Variants in TBC1D19 observed in about 807,000 individuals in gnomAD.
TBC1D19 encodes the protein TBC1 domain family member 19.
A neutral mutation model predicts 89.0 loss-of-function variants in TBC1D19; 60 were observed. The observed-to-expected ratio is 0.67, with a 90% confidence interval of 0.55 to 0.84. TBC1D19 has a LOEUF of 0.84. Among genes scored for constraint, TBC1D19 ranks in the 40% least tolerant of loss-of-function variants. The pLI, the probability that TBC1D19 is intolerant of heterozygous loss-of-function variation, is 0.00. For missense variants in TBC1D19, 500 were observed against 610.8 expected (o/e 0.82, Z 1.91); for synonymous variants, 189 against 199.7 (o/e 0.95, Z 0.45).
At chr4:26,658,017 T>G (rs1403485876) in intron 7 of TBC1D19, among the ~76,000 whole-genome samples, 1 of 152,242 alleles carries the variant, frequency 6.6e-6, no homozygotes, top group Non-Finnish European at 1.5e-5. Flanking sequence ...TGCAAAATTT[T>G]TCTCCCATTC....
At chr4:26,612,552 C>G (rs989275218) in intron 1 of TBC1D19, among the ~76,000 whole-genome samples, 1 of 151,920 alleles carries the variant, frequency 6.6e-6, no homozygotes, top group African/African-American at 2.4e-5. Flanking sequence ...GATGGAACAT[C>G]AACACTTTGA....
chr4:26,858,181 A>G, the TBC1D19 span: 1 of 152,220 alleles, frequency 6.6e-6, no homozygotes, highest in Non-Finnish European at 1.5e-5. Context: ...AAAGTGGTGG[A>G]ATTGCTATTT....
intron 3 of TBC1D19, among the ~76,000 whole-genome samples, chr4:26,617,455 C>G (rs1741765491): frequency 6.6e-6 from 1 of 152,240 alleles, no homozygotes. Context: ...ATACATTTTA[C>G]TATGTCTCAC....
intron 1 of TBC1D19, among the ~76,000 whole-genome samples, chr4:26,586,171 C>CTTTT (rs57229787): frequency 1.1e-4 from 6 of 52,240 alleles, no homozygotes; most frequent in South Asian, 7.7e-4. Flanking sequence ...GCAAGGTAAG[C>CTTTT]TTTTTTTTTT....
intron 17 of TBC1D19, chr4:26,740,637 T>C: frequency 1.0e-6 from 1 of 985,290 alleles, no homozygotes; most frequent in South Asian, 4.7e-5. Context: ...TTTTTTTCCC[T>C]TCCCATAAAC....
the TBC1D19 span, among the ~76,000 whole-genome samples, chr4:26,855,560 T>C: frequency 1.8e-4 from 28 of 152,336 alleles, no homozygotes; most frequent in African/African-American, 6.5e-4. Context: ...TTGGGTGTAC[T>C]TATGGCCATT....
At chr4:26,660,324 T>A (rs772318293) in intron 8 of TBC1D19, among the ~76,000 whole-genome samples, 2 of 152,180 alleles carry the variant, frequency 1.3e-5, no homozygotes, top group Non-Finnish European at 2.9e-5. Flanking sequence ...CTTATAACTC[T>A]GGGCATTAAT....
the TBC1D19 span, among the ~76,000 whole-genome samples, chr4:26,800,899 G>A: frequency 1.3e-5 from 2 of 152,118 alleles, no homozygotes; most frequent in African/African-American, 4.8e-5. Context: ...TGTAGATTCT[G>A]GATATTAGCC....
At chr4:26,857,108 T>C in the TBC1D19 span, among the ~76,000 whole-genome samples, 7 of 152,340 alleles carry the variant, frequency 4.6e-5, no homozygotes, top group African/African-American at 1.7e-4. Flanking sequence ...TGCTAATGAG[T>C]TACTTCCACG....
intron 15 of TBC1D19, among the ~76,000 whole-genome samples, chr4:26,732,534 C>T (rs1220559576): frequency 6.6e-6 from 1 of 152,154 alleles, no homozygotes; most frequent in Non-Finnish European, 1.5e-5. Context: ...TGGAATGATG[C>T]ATGTGCAGCA....
At chr4:26,801,507 A>T in the TBC1D19 span, among the ~76,000 whole-genome samples, 1 of 152,128 alleles carries the variant, frequency 6.6e-6, no homozygotes, top group Admixed American at 6.5e-5. Flanking sequence ...TTTTGGTTCC[A>T]TATGAACTTT....
At chr4:26,693,397 A>G (rs986977793) in intron 13 of TBC1D19, among the ~76,000 whole-genome samples, 5 of 152,198 alleles carry the variant, frequency 3.3e-5, no homozygotes, top group African/African-American at 1.2e-4. Flanking sequence ...AGCCATGCTT[A>G]AAAAAGTAAA....
chr4:26,659,802 A>G, intron 8 of TBC1D19, 95 bp downstream of exon 8: 1 of 622,736 alleles, frequency 1.6e-6, no homozygotes, highest in African/African-American at 1.8e-5. Flanking sequence ...AGGGTAATCT[A>G]CTCATTAAAC....
At chr4:26,830,096 A>C in the TBC1D19 span, among the ~76,000 whole-genome samples, 11 of 152,300 alleles carry the variant, frequency 7.2e-5, no homozygotes, top group African/African-American at 2.6e-4. Context: ...TGGCCCATAA[A>C]AGTGTAAGAA....
the TBC1D19 span, among the ~76,000 whole-genome samples, chr4:26,768,791 T>C: frequency 2.6e-5 from 4 of 151,836 alleles, no homozygotes; most frequent in African/African-American, 9.7e-5. Context: ...GATTAAAAAC[T>C]AAAAATAAAA....
In TBC1D19 at chr4:26,656,958, T is replaced by TTTC. The variant is rs56762622; in HGVS notation, c.481-2607_481-2605dup. ...GGTTTAGAGGAGATGCCCTGCAATC[T>TTTC]TTCTTCTTCTTCTTCTTCTTCTTCT... is the stretch of plus-strand genomic sequence containing the variant. On this transcript the variant is annotated intron_variant, in intron 7 of 20. Transcript: ENST00000264866. Among the ~76,000 whole-genome samples the TTTC allele has an allele frequency of 9.5e-3, 457 of 47,856 alleles. 16 individuals carry two copies. The highest frequency in any genetic ancestry group is 0.035 in the African/African-American group (439 of 12,690). The allele number at this position is 47,856 out of a possible 152,430, so 31.4% of individuals were successfully genotyped here.
At chr4:26,721,398 C>G (rs558987945) in intron 15 of TBC1D19, among the ~76,000 whole-genome samples, 16 of 152,174 alleles carry the variant, frequency 1.1e-4, no homozygotes, top group Middle Eastern at 3.4e-3. Context: ...CCCAACTCAT[C>G]TAATAAGTCG....
At chr4:26,753,916 G>A (rs762451429) in intron 20 of TBC1D19, 26 bp downstream of exon 20, 1 of 1,612,006 alleles carries the variant, frequency 6.2e-7, no homozygotes, top group African/African-American at 1.3e-5. Context: ...ACTCAGATGG[G>A]ATGGAAATAG....
At chr4:26,739,792 T>A in intron 16 of TBC1D19, 72 bp from the exon 17 acceptor site, 2 of 840,800 alleles carry the variant, frequency 2.4e-6, no homozygotes, top group Non-Finnish European at 3.5e-6. Flanking sequence ...TGATTTATTA[T>A]GACATATTTT....
Sources: gnomAD v4.1 joint callset for allele counts (sites outside exome capture counted in the v4.1 genomes callset) on GRCh38, gnomAD v4.1.1 for gene constraint, MANE v1.5 for transcripts, NCBI Gene and HGNC (gene_info 2026-07-23, HGNC 2026-07-21) for gene names.